Variants in HDAC9 observed in about 807,000 individuals in gnomAD.
HDAC9 encodes histone deacetylase 9.
HDAC9 carries 41 observed loss-of-function variants against 139.4 expected under a neutral mutation model. The ratio of observed to expected loss-of-function variants is 0.29; its 90% CI spans 0.23 to 0.38. HDAC9 has a LOEUF of 0.38. HDAC9 is among the 10% of genes least tolerant of loss of function. HDAC9 has a pLI of 1.00. For synonymous variants in HDAC9, 517 were observed against 476.2 expected, an observed-to-expected ratio of 1.09 and a Z score of -1.12; for missense variants, 1,147 against 1,297.0, an observed-to-expected ratio of 0.88 and a Z score of 1.78.
intron 2 of HDAC9, among the ~76,000 whole-genome samples, chr7:18,573,819 A>G (rs1329772756): frequency 6.6e-6 from 1 of 152,156 alleles, no homozygotes; most frequent in African/African-American, 2.4e-5. Flanking sequence ...AGATGCCTGG[A>G]ACCACTGAAC....
intron 22 of HDAC9, among the ~76,000 whole-genome samples, chr7:18,880,492 G>T (rs1415110508): frequency 6.6e-6 from 1 of 152,138 alleles, no homozygotes; most frequent in Non-Finnish European, 1.5e-5. Flanking sequence ...ACAAGCTCAT[G>T]TCTTTTGTGG....
In HDAC9 at chr7:18,533,031, A is replaced by G. The variant is rs1357677014; in HGVS notation, c.22+36707A>G. Among the ~76,000 whole-genome samples, 3 of 152,122 alleles carry G rather than the reference A, an allele frequency of 2.0e-5. No homozygotes were observed. In the South Asian group the frequency reaches 6.2e-4, roughly 32 times the overall value. On this transcript the variant is annotated intron_variant, in intron 2 of 25. Transcript: ENST00000686413. ...CTTCTCTACTCTTCCCAGTAGTTGA[A>G]TCAAATCAATAGTATTTATATGACT...
chr7:18,283,681 A>T (rs1797251327), intron 2 of HDAC9, among the ~76,000 whole-genome samples: 1 of 152,162 alleles, frequency 6.6e-6, no homozygotes, highest in East Asian at 1.9e-4. Context: ...TCTAAAACAG[A>T]TTTTAAAAGA....
chr7:18,268,718 G>A (rs1211726921), intron 2 of HDAC9, among the ~76,000 whole-genome samples: 2 of 152,172 alleles, frequency 1.3e-5, no homozygotes, highest in African/African-American at 4.8e-5. Context: ...TATTTTCCAA[G>A]CCAGTGTTTC....
At chr7:18,956,440 T>A (rs1783153408) in intron 24 of HDAC9, among the ~76,000 whole-genome samples, 1 of 152,078 alleles carries the variant, frequency 6.6e-6, no homozygotes, top group Non-Finnish European at 1.5e-5. Flanking sequence ...TCTCTGAATG[T>A]CCCTCCAGGA....
chr7:18,522,306 C>T (rs576231975), intron 2 of HDAC9, among the ~76,000 whole-genome samples: 2 of 152,196 alleles, frequency 1.3e-5, no homozygotes, highest in South Asian at 4.2e-4. Flanking sequence ...AGTAAGTGCT[C>T]TTTAGATGTG....
chr7:18,392,294 C>G (rs1031189759), intron 1 of HDAC9, among the ~76,000 whole-genome samples: 4 of 113,994 alleles, frequency 3.5e-5, no homozygotes, highest in South Asian at 3.1e-4. Context: ...CTCTCTGTCT[C>G]TCTCTCTCTC....
chr7:18,865,769 T>A (rs1216607638), intron 21 of HDAC9, among the ~76,000 whole-genome samples: 1 of 152,124 alleles, frequency 6.6e-6, no homozygotes, highest in Non-Finnish European at 1.5e-5. Context: ...TGAAAAAATG[T>A]GCAGTCTATA....
rs1399434234 is a variant in HDAC9, at chr7:18,591,507, G to A, written c.416-9G>A. ...TGTGTGTGTGTGTGTGTGTGTGTGTGTATTTCAGGGGCAGTGGCAAGTACA... is the reference window on the plus strand; with the variant it reads ...TGTGTGTGTGTGTGTGTGTGTGTGTATATTTCAGGGGCAGTGGCAAGTACA... On this transcript the variant is annotated splice_polypyrimidine_tract_variant and intron_variant, in intron 4 of 25. Transcript: ENST00000686413. 2.6e-6 allele frequency: 4 copies of A among 1,533,632 alleles called. No individual in the cohort carries two copies. Among genetic ancestry groups the A allele is most frequent in the East Asian group, 2.4e-5 (1 of 40,938 alleles).
At chr7:18,312,276 C>T (rs903604866) in intron 1 of HDAC9, among the ~76,000 whole-genome samples, 3 of 152,172 alleles carry the variant, frequency 2.0e-5, no homozygotes, top group African/African-American at 4.8e-5. Context: ...TTGGTTGTCT[C>T]TCTTTTCTCT....
chr7:18,501,562 G>A (rs1364323157), intron 2 of HDAC9, among the ~76,000 whole-genome samples: 2 of 152,052 alleles, frequency 1.3e-5, no homozygotes, highest in East Asian at 1.9e-4. Flanking sequence ...TTTAAATTCA[G>A]TTAAGTTTAA....
At chr7:18,626,180 G>A (rs1841661203) in intron 6 of HDAC9, among the ~76,000 whole-genome samples, 1 of 152,044 alleles carries the variant, frequency 6.6e-6, no homozygotes, top group Non-Finnish European at 1.5e-5. Context: ...CTGGAGTGCT[G>A]GAGAGCTGGA....
chr7:18,768,116 GCCT>G (rs1165068749), intron 16 of HDAC9, among the ~76,000 whole-genome samples: 2 of 152,080 alleles, frequency 1.3e-5, no homozygotes, highest in East Asian at 3.9e-4. Flanking sequence ...ATATCCATTT[GCCT>G]CCGTGAGGAC....
At chr7:18,169,137 A>G (rs1363666498) in intron 2 of HDAC9, among the ~76,000 whole-genome samples, 2 of 151,984 alleles carry the variant, frequency 1.3e-5, no homozygotes, top group Non-Finnish European at 2.9e-5. Context: ...GGGTTTCACC[A>G]TGTTGCTCAG....
intron 22 of HDAC9, among the ~76,000 whole-genome samples, chr7:18,899,946 A>G (rs554509577): frequency 1.8e-4 from 27 of 152,266 alleles, no homozygotes; most frequent in Admixed American, 3.3e-4. Context: ...TGTTGTTTGA[A>G]AGACTTGATA....
At position 18,317,306 on chromosome 7, in the gene HDAC9, T is replaced by G. The variant is rs956982466; in HGVS notation, c.-42+26791T>G. Among the ~76,000 whole-genome samples the G allele has an allele frequency of 3.3e-5, 5 of 152,054 alleles. 1 individual carries two copies. The highest frequency in any genetic ancestry group is 3.3e-4 in the Admixed American group (5 of 15,264). On this transcript the variant is annotated intron_variant, in intron 1 of 3. Transcript: ENST00000413509. ...TGATTGAGTAACTTTGTATCATATGTTTATTTCTAGCAGCCAGATTTTCTT... is the reference window on the plus strand; with the variant it reads ...TGATTGAGTAACTTTGTATCATATGGTTATTTCTAGCAGCCAGATTTTCTT...
intron 22 of HDAC9, among the ~76,000 whole-genome samples, chr7:18,903,700 AT>A (rs1801941941): frequency 6.6e-6 from 1 of 152,196 alleles, no homozygotes; most frequent in Non-Finnish European, 1.5e-5. Flanking sequence ...ATTCTCATTT[AT>A]TCTACCTACA....
At chr7:18,386,268 C>T (rs182649769) in intron 1 of HDAC9, among the ~76,000 whole-genome samples, 2 of 152,252 alleles carry the variant, frequency 1.3e-5, no homozygotes, top group East Asian at 1.9e-4. Context: ...ACCCTGGGCA[C>T]CTGCATCATA....
intron 2 of HDAC9, among the ~76,000 whole-genome samples, chr7:18,168,004 G>C (rs775066132): frequency 7.9e-5 from 12 of 152,170 alleles, no homozygotes; most frequent in Non-Finnish European, 1.2e-4. Flanking sequence ...AATCAGGGCA[G>C]ATCAGCTCAC....
Sources: allele counts gnomAD v4.1 joint callset (sites outside exome capture counted in the v4.1 genomes callset), GRCh38; gene constraint gnomAD v4.1.1; transcripts MANE v1.5; gene names NCBI Gene and HGNC (gene_info 2026-07-23, HGNC 2026-07-21).